The following DNAH11 variants were observed in gnomAD, a reference collection of about 807,000 sequenced individuals.
The protein encoded by DNAH11 is axonemal beta dynein heavy chain 11.
In DNAH11, 442 loss-of-function variants were observed where a neutral mutation model predicts 526.0. That is an observed-to-expected ratio of 0.84 (90% confidence interval 0.78 to 0.91). DNAH11 has a LOEUF of 0.91. Among genes scored for constraint, DNAH11 ranks in the 40% least tolerant of loss-of-function variants. DNAH11 has a pLI of 0.00. For synonymous variants in DNAH11, 2,461 were observed against 1,935.9 expected, an observed-to-expected ratio of 1.27 and a Z score of -7.12; for missense variants, 6,989 against 5,448.7, an observed-to-expected ratio of 1.28 and a Z score of -8.90.
intron 52 of DNAH11, among the ~76,000 whole-genome samples, chr7:21,749,036 T>C (rs1786285168): frequency 6.6e-6 from 1 of 152,178 alleles, no homozygotes; most frequent in South Asian, 2.1e-4. Context: ...TTTCTATTAA[T>C]CAAACCTGAT....
intron 14 of DNAH11, among the ~76,000 whole-genome samples, chr7:21,597,800 TAAC>T (rs1784920326): frequency 6.6e-6 from 1 of 152,156 alleles, no homozygotes. Flanking sequence ...TGAGGAGACT[TAAC>T]AAGATGGTCT....
In DNAH11 at chr7:21,601,036, T is replaced by C. The variant is rs1487540853; in HGVS notation, c.3282T>C (p.Val1094=). The C allele has an allele frequency of 1.9e-6, 3 of 1,612,052 alleles. No individual in the cohort carries two copies. The highest frequency in any genetic ancestry group is 2.5e-6 in the Non-Finnish European group (3 of 1,179,574). ...TTGACATTTATGAAGCTTTGTATGT[T>C]CAAATGAGCAAATTTGAGGACTTTA... The part of the protein sequence containing the change: ...EQIDIYEALY[V]QMSKFEDFRV... The change falls in exon 17 of 82, where the codon GTT becomes GTC. Residue 1094 remains valine (V), a synonymous_variant. Coordinates refer to ENST00000409508, the MANE Select transcript of DNAH11 (RefSeq NM_001277115.2).
intron 76 of DNAH11, among the ~76,000 whole-genome samples, chr7:21,887,626 C>T (rs989677953): frequency 2.0e-5 from 3 of 152,068 alleles, no homozygotes; most frequent in Non-Finnish European, 4.4e-5. Context: ...AACTTTGGTA[C>T]AATGCTAGAA....
In DNAH11 at chr7:21,761,533, G is replaced by A. The variant is rs1225789111; in HGVS notation, c.8941-3895G>A. On this transcript the variant is annotated intron_variant, in intron 54 of 81. Coordinates refer to ENST00000409508, the MANE Select transcript of DNAH11 (RefSeq NM_001277115.2). ...GCTGTAGACAATTTAAAACTATTAG[G>A]CTATCACTGTGGGTGTCAGAATCAC... Among the ~76,000 whole-genome samples the A allele has an allele frequency of 4.6e-5, 7 of 152,230 alleles. No homozygotes were observed. In the East Asian group the frequency reaches 1.2e-3, roughly 25 times the overall value.
At chr7:21,839,106 T>C (rs1782106373) in intron 65 of DNAH11, among the ~76,000 whole-genome samples, 1 of 152,198 alleles carries the variant, frequency 6.6e-6, no homozygotes. Context: ...ATTAAGCATC[T>C]TTTCATATGC....
At chr7:21,852,762 G>T in intron 67 of DNAH11, 131 bp downstream of exon 67, 2 of 928,434 alleles carry the variant, frequency 2.2e-6, no homozygotes, top group Admixed American at 3.1e-5. Context: ...GATTTAATAA[G>T]CTGCAGTTGG....
intron 40 of DNAH11, 111 bp downstream of exon 40, chr7:21,707,946 A>T: frequency 8.8e-7 from 1 of 1,132,428 alleles, no homozygotes. Context: ...ATGTGTTGGC[A>T]TTATTGGAAA....
chr7:21,567,546 C>T (rs972914055), intron 6 of DNAH11, among the ~76,000 whole-genome samples: 2 of 152,196 alleles, frequency 1.3e-5, no homozygotes, highest in African/African-American at 4.8e-5. Flanking sequence ...ACTCAGAGAT[C>T]TTGCTACAGT....
At chr7:21,787,629 C>A in intron 60 of DNAH11, 46 bp downstream of exon 60, 2 of 1,476,456 alleles carry the variant, frequency 1.4e-6, no homozygotes, top group South Asian at 1.5e-5. Context: ...CCACAAAGGG[C>A]TGCAAACACA....
chr7:21,610,842 A>G (rs1028607634), intron 20 of DNAH11, among the ~76,000 whole-genome samples: 3 of 152,236 alleles, frequency 2.0e-5, no homozygotes, highest in Non-Finnish European at 2.9e-5. Flanking sequence ...GGAAAATATA[A>G]AAGAGCCTAA....
At chr7:21,892,767 G>T in intron 77 of DNAH11, 100 bp downstream of exon 77, 1 of 1,341,762 alleles carries the variant, frequency 7.5e-7, no homozygotes, top group Admixed American at 2.6e-5. Flanking sequence ...TTTTTACCTA[G>T]GTTTTACTCA....
intron 56 of DNAH11, among the ~76,000 whole-genome samples, chr7:21,777,222 C>T (rs184392648): frequency 2.6e-5 from 4 of 152,206 alleles, no homozygotes; most frequent in African/African-American, 9.6e-5. Context: ...CAGCATAATT[C>T]CCCTGAGATC....
intron 45 of DNAH11, 60 bp downstream of exon 45, chr7:21,726,044 C>G: frequency 7.0e-7 from 1 of 1,420,256 alleles, no homozygotes; most frequent in African/African-American, 1.5e-5. Flanking sequence ...TAAAAAATAC[C>G]TGCAACTGGG....
intron 42 of DNAH11, among the ~76,000 whole-genome samples, chr7:21,715,798 C>T (rs1439362976): frequency 6.6e-6 from 1 of 151,706 alleles, no homozygotes; most frequent in Non-Finnish European, 1.5e-5. Flanking sequence ...GCCATTTTTA[C>T]TCTCTATCCT....
intron 51 of DNAH11, among the ~76,000 whole-genome samples, chr7:21,747,994 C>G (rs1479417816): frequency 3.3e-5 from 5 of 152,148 alleles, no homozygotes; most frequent in Non-Finnish European, 7.3e-5. Context: ...TCTTTTTGGA[C>G]TTTTGGTGGT....
At chr7:21,798,540 AT>A (rs1255352971) in intron 61 of DNAH11, among the ~76,000 whole-genome samples, 1 of 152,220 alleles carries the variant, frequency 6.6e-6, no homozygotes, top group Non-Finnish European at 1.5e-5. Flanking sequence ...AATGCCTTCC[AT>A]TAAGTTGGTC....
intron 61 of DNAH11, among the ~76,000 whole-genome samples, chr7:21,796,221 C>G (rs552806924): frequency 1.3e-5 from 2 of 152,268 alleles, no homozygotes; most frequent in Non-Finnish European, 2.9e-5. Flanking sequence ...GTGTTATAGA[C>G]AATGATTAAG....
chr7:21,883,155 A>G (rs980905485), intron 75 of DNAH11, among the ~76,000 whole-genome samples: 2 of 152,256 alleles, frequency 1.3e-5, no homozygotes, highest in Non-Finnish European at 2.9e-5. Flanking sequence ...AGAAAAGTAC[A>G]TTGGCATAGT....
chr7:21,848,773 C>G (rs1782515680), intron 66 of DNAH11, among the ~76,000 whole-genome samples: 2 of 152,108 alleles, frequency 1.3e-5, no homozygotes. Flanking sequence ...TCTCTCTTAG[C>G]AAAATAGATT....
Sources: gnomAD v4.1 joint callset for allele counts (sites outside exome capture counted in the v4.1 genomes callset) on GRCh38, gnomAD v4.1.1 for gene constraint, MANE v1.5 for transcripts, NCBI Gene and HGNC (gene_info 2026-07-23, HGNC 2026-07-21) for gene names.